Variants in HDAC4 observed in about 807,000 individuals in gnomAD.
HDAC4 encodes the protein histone deacetylase A.
A neutral mutation model predicts 135.1 loss-of-function variants in HDAC4; 16 were observed. That is an observed-to-expected ratio of 0.12 (90% CI 0.08 to 0.18). HDAC4 has a LOEUF of 0.18. Ranked by LOEUF, HDAC4 falls within the 10% of genes least tolerant of loss-of-function variation. HDAC4 has a pLI of 1.00. For synonymous variants in HDAC4, 685 were observed against 653.4 expected, an observed-to-expected ratio of 1.05 and a Z score of -0.74; for missense variants, 1,143 against 1,511.8, an observed-to-expected ratio of 0.76 and a Z score of 4.05.
intron 2 of HDAC4, among the ~76,000 whole-genome samples, chr2:239,282,179 C>A (rs2050809524): frequency 6.8e-6 from 1 of 147,282 alleles, no homozygotes; most frequent in African/African-American, 2.5e-5. Context: ...CACCACTCTA[C>A]ACACAATGTA....
At chr2:239,302,922 C>G (rs1229458478) in intron 2 of HDAC4, among the ~76,000 whole-genome samples, 4 of 152,238 alleles carry the variant, frequency 2.6e-5, no homozygotes, top group African/African-American at 7.2e-5. Flanking sequence ...CAGCCCCAAG[C>G]AGGGGGCCAC....
intron 3 of HDAC4, among the ~76,000 whole-genome samples, chr2:239,223,675 G>A (rs1339739116): frequency 2.0e-5 from 3 of 152,072 alleles, no homozygotes; most frequent in Non-Finnish European, 4.4e-5. Flanking sequence ...CATCATTGCT[G>A]TAATTAGGAG....
In HDAC4 at chr2:239,068,279, C is replaced by T. The variant is rs894309720; in HGVS notation, c.2869+210G>A. 3.3e-5 allele frequency among the ~76,000 whole-genome samples: 5 copies of T among 152,192 alleles called. No individual in the cohort carries two copies. Among genetic ancestry groups the T allele is most frequent in the Non-Finnish European group, 5.9e-5 (4 of 68,024 alleles). On this transcript the variant is annotated intron_variant, in intron 23 of 26. Transcript: ENST00000543185. The surrounding 1 kb of genome is among the most constrained non-coding windows in gnomAD (Gnocchi z 4.4). ...AGGCCCTTCCTGGGCAAAGAGTGCCCGAGGTGCCTGGGTCTGAGCTCCCGC... is the reference window on the plus strand; with the variant it reads ...AGGCCCTTCCTGGGCAAAGAGTGCCTGAGGTGCCTGGGTCTGAGCTCCCGC...
chr2:239,237,673 G>C (rs1338520448), intron 2 of HDAC4, among the ~76,000 whole-genome samples: 1 of 151,978 alleles, frequency 6.6e-6, no homozygotes, highest in Admixed American at 6.6e-5. Context: ...ATTCAAGAAC[G>C]GAAACAAGGG....
At chr2:239,288,676 T>C (rs752704530) in intron 2 of HDAC4, among the ~76,000 whole-genome samples, 3 of 149,998 alleles carry the variant, frequency 2.0e-5, no homozygotes, top group Non-Finnish European at 4.5e-5. Flanking sequence ...AAAAAAAACG[T>C]ATTGTCTGCA....
At position 239,146,793 on chromosome 2, in the gene HDAC4, C is replaced by T. The variant is rs1003947057; in HGVS notation, c.734-2079G>A. Among the ~76,000 whole-genome samples the T allele has an allele frequency of 2.0e-5, 3 of 151,912 alleles. No homozygotes were observed. The highest frequency in any genetic ancestry group is 6.6e-5 in the Admixed American group (1 of 15,252). ...CCCTGACCCCCCACAGCCCCACTGCCCCCATCACAGCCCCACTGCCCTGTC... is the reference window on the plus strand; with the variant it reads ...CCCTGACCCCCCACAGCCCCACTGCTCCCATCACAGCCCCACTGCCCTGTC... On this transcript the variant is annotated intron_variant, in intron 7 of 26. Transcript: ENST00000543185. The surrounding 1 kb of genome is among the most constrained non-coding windows in gnomAD (Gnocchi z 4.5).
At chr2:239,181,230 G>A (rs2044131028) in intron 4 of HDAC4, among the ~76,000 whole-genome samples, 3 of 152,230 alleles carry the variant, frequency 2.0e-5, no homozygotes, top group African/African-American at 2.4e-5. Context: ...GGAGCACGGG[G>A]ATAGAAGAGC....
At chr2:239,066,374 G>A (rs373057077) in intron 24 of HDAC4, among the ~76,000 whole-genome samples, 1 of 152,200 alleles carries the variant, frequency 6.6e-6, no homozygotes, top group Admixed American at 6.5e-5. Context: ...CAGAGGAAAC[G>A]AAGAGAGAAA....
chr2:239,133,201 A>G (rs1194281702), intron 11 of HDAC4, among the ~76,000 whole-genome samples: 1 of 152,204 alleles, frequency 6.6e-6, no homozygotes, highest in Non-Finnish European at 1.5e-5. Flanking sequence ...GCACAAAACA[A>G]GAAAACACCA....
intron 3 of HDAC4, among the ~76,000 whole-genome samples, chr2:239,235,998 C>A (rs1302261229): frequency 6.6e-6 from 1 of 152,186 alleles, no homozygotes; most frequent in East Asian, 1.9e-4. Flanking sequence ...CAAGATTACG[C>A]CACTCCACTC....
At chr2:239,074,311 G>A (rs2034516517) in intron 22 of HDAC4, among the ~76,000 whole-genome samples, 1 of 152,272 alleles carries the variant, frequency 6.6e-6, no homozygotes, top group African/African-American at 2.4e-5. Context: ...CCTTGGCGAG[G>A]CACTCTGACT....
rs920295523 is a variant in HDAC4 at position 239,303,783 on chromosome 2, C to T, written c.22+48895G>A. Among the ~76,000 whole-genome samples the T allele has an allele frequency of 6.6e-5, 10 of 152,186 alleles. No individual in the cohort carries two copies. The highest frequency in any genetic ancestry group is 1.9e-4 in the East Asian group (1 of 5,190). On this transcript the variant is annotated intron_variant, in intron 2 of 26. Coordinates refer to ENST00000543185, the MANE Select transcript of HDAC4 (RefSeq NM_001378414.1). This position sits in a 1 kb window ranked among gnomAD's most constrained non-coding sequence, Gnocchi z 5.1. ...AAGCGACTGCGACAGCTGCATCCCC[C>T]GTGCTCAACTGCAGGGCGCGGCACT...
chr2:239,120,111 A>G (rs2039508026), intron 12 of HDAC4, among the ~76,000 whole-genome samples: 1 of 152,224 alleles, frequency 6.6e-6, no homozygotes, highest in African/African-American at 2.4e-5. Flanking sequence ...AGGGCAGCTC[A>G]GAGAGGCTGA....
chr2:239,134,840 C>T (rs2040839476), intron 9 of HDAC4, among the ~76,000 whole-genome samples, 197 bp from the exon 10 acceptor site: 1 of 152,236 alleles, frequency 6.6e-6, no homozygotes, highest in African/African-American at 2.4e-5. Context: ...TTCACCACTC[C>T]AGTTTCCTCC....
chr2:239,173,139 G>A (rs896403377), intron 5 of HDAC4, among the ~76,000 whole-genome samples: 1 of 152,118 alleles, frequency 6.6e-6, no homozygotes, highest in Non-Finnish European at 1.5e-5. Flanking sequence ...AGAGAGGAAT[G>A]ATGCTTAACT....
At chr2:239,108,312 T>C in intron 14 of HDAC4, 129 bp from the exon 15 acceptor site, 2 of 1,181,550 alleles carry the variant, frequency 1.7e-6, no homozygotes, top group Non-Finnish European at 2.4e-6. Flanking sequence ...GGGACGGTTC[T>C]TTAGAAAAAT....
intron 2 of HDAC4, among the ~76,000 whole-genome samples, chr2:239,348,615 T>A (rs921463150): frequency 1.1e-4 from 17 of 152,186 alleles, no homozygotes; most frequent in African/African-American, 2.9e-4. Flanking sequence ...ACACTCCCGG[T>A]TTCATGCCAG....
At chr2:239,182,959 T>A (rs1288371061) in intron 4 of HDAC4, among the ~76,000 whole-genome samples, 1 of 152,210 alleles carries the variant, frequency 6.6e-6, no homozygotes, top group Non-Finnish European at 1.5e-5. Context: ...AAAACAGGAC[T>A]TTGAGATGCG....
Position 239,277,014 on chromosome 2 carries a change from C to T in HDAC4, c.23-40350G>A, listed in dbSNP as rs565851396. 4.6e-5 allele frequency among the ~76,000 whole-genome samples: 7 copies of T among 152,292 alleles called. No homozygotes were observed. The South Asian group carries it at 6.2e-4, about 14-fold the overall frequency. The stretch of plus-strand genomic sequence containing the variant: ...GCTCTGTGCAGCCCCTTTCCACTGC[C>T]GCGCCCTCCTGGGCCTGCATTTGCC... On this transcript the variant is annotated intron_variant, in intron 2 of 26. Transcript: ENST00000543185.
Sources: gnomAD v4.1 joint callset for allele counts (sites outside exome capture counted in the v4.1 genomes callset) on GRCh38, gnomAD v4.1.1 for gene constraint, Gnocchi (gnomAD v3.1) non-coding constraint, MANE v1.5 for transcripts, NCBI Gene and HGNC (gene_info 2026-07-23, HGNC 2026-07-21) for gene names.